The following ZC3H12B variants were observed in gnomAD, a reference collection of about 807,000 sequenced individuals.
ZC3H12B encodes probable ribonuclease ZC3H12B.
In ZC3H12B, 7 loss-of-function variants were observed where a neutral mutation model predicts 43.9. The observed-to-expected ratio is 0.16, with a 90% CI of 0.09 to 0.30. The LOEUF (loss-of-function observed/expected upper bound fraction) is 0.30, where lower values mean the gene tolerates loss of function less well. Among genes scored for constraint, ZC3H12B ranks in the 10% least tolerant of loss-of-function variants. The probability of loss-of-function intolerance (pLI) is 1.00; values close to 1 mark genes in which losing one functional copy is unlikely to be tolerated. For synonymous variants in ZC3H12B, 222 were observed against 241.7 expected, an observed-to-expected ratio of 0.92 and a Z score of 0.76; for missense variants, 475 against 670.2, an observed-to-expected ratio of 0.71 and a Z score of 3.22.
the ZC3H12B span, among the ~76,000 whole-genome samples, chrX:65,255,012 TAAAAA>T: frequency 9.1e-6 from 1 of 109,989 alleles, no homozygotes; most frequent in East Asian, 2.8e-4. Flanking sequence ...AAAATAAAAA[TAAAAA>T]ATAAATAAAG....
At chrX:65,288,557 A>G in the ZC3H12B span, among the ~76,000 whole-genome samples, 1 of 112,453 alleles carries the variant, frequency 8.9e-6, no homozygotes, top group Non-Finnish European at 1.9e-5. Context: ...CAAAAACAAT[A>G]TGACTGTCTC....
At chrX:65,264,515 A>T in the ZC3H12B span, among the ~76,000 whole-genome samples, 5 of 111,937 alleles carry the variant, frequency 4.5e-5, no homozygotes, top group Non-Finnish European at 9.4e-5. Flanking sequence ...CCATACCAAG[A>T]GGGAAGTGGC....
At chrX:65,310,967 C>G in the ZC3H12B span, among the ~76,000 whole-genome samples, 1 of 112,047 alleles carries the variant, frequency 8.9e-6, no homozygotes, top group African/African-American at 3.2e-5. Flanking sequence ...AACTGGATCC[C>G]TTCCTTACAA....
chrX:65,488,967 A>G, exon 1 of ZC3H12B: 2 of 1,211,410 alleles, frequency 1.7e-6, no homozygotes, highest in Non-Finnish European at 2.2e-6. Context: ...GAGTAGCGAC[A>G]ACAGCAAGAG....
the ZC3H12B span, chrX:65,272,974 A>T: frequency 2.7e-5 from 3 of 112,447 alleles, no homozygotes; most frequent in Non-Finnish European, 3.8e-5. Flanking sequence ...GACTTTAGCA[A>T]CTGAAAGTCT....
the ZC3H12B span, among the ~76,000 whole-genome samples, chrX:65,269,960 C>A: frequency 1.8e-5 from 2 of 111,251 alleles, no homozygotes; most frequent in Non-Finnish European, 3.8e-5. Flanking sequence ...TCATATTACC[C>A]AAATCAATAT....
At chrX:65,118,098 G>C in the ZC3H12B span, among the ~76,000 whole-genome samples, 2 of 111,418 alleles carry the variant, frequency 1.8e-5, no homozygotes, top group African/African-American at 6.5e-5. Flanking sequence ...ATTCTGCGAA[G>C]AAAGTCATTG....
the ZC3H12B span, among the ~76,000 whole-genome samples, chrX:65,176,154 T>G: frequency 8.9e-6 from 1 of 112,125 alleles, no homozygotes; most frequent in South Asian, 3.7e-4. Context: ...AAATTCTAGC[T>G]GCCAGGACAG....
chrX:65,431,051 A>C (rs1242062437), intron 3 of ZC3H12B, among the ~76,000 whole-genome samples: 1 of 112,434 alleles, frequency 8.9e-6, no homozygotes, highest in African/African-American at 3.2e-5. Flanking sequence ...CAAGCCAGCT[A>C]CTTCAAGATG....
intron 3 of ZC3H12B, among the ~76,000 whole-genome samples, chrX:65,464,821 G>C (rs1454949885): frequency 1.8e-5 from 2 of 110,543 alleles, no homozygotes; most frequent in Non-Finnish European, 3.8e-5. Flanking sequence ...GTTTGGTTTT[G>C]ATTAATCTCA....
chrX:65,257,703 C>A, the ZC3H12B span, among the ~76,000 whole-genome samples: 1 of 109,684 alleles, frequency 9.1e-6, no homozygotes, highest in Admixed American at 9.7e-5. Flanking sequence ...GGATGTTACC[C>A]CACAGAACTA....
chrX:65,266,709 C>G, the ZC3H12B span, among the ~76,000 whole-genome samples: 1 of 111,416 alleles, frequency 9.0e-6, no homozygotes, highest in Admixed American at 9.6e-5. Flanking sequence ...ACAACAAACC[C>G]TATTCTCAAA....
intron 3 of ZC3H12B, among the ~76,000 whole-genome samples, chrX:65,476,267 A>G (rs894450125): frequency 3.6e-5 from 4 of 111,596 alleles, no homozygotes; most frequent in East Asian, 5.6e-4. Flanking sequence ...ACTATCTTGT[A>G]AGTCACGCAG....
At chrX:65,366,618 T>C (rs1311076018), upstream of ZC3H12B, 1 of 111,595 alleles carries the variant, frequency 9.0e-6, no homozygotes, top group Admixed American at 9.5e-5. Context: ...CAATTCTGCT[T>C]GTTTTTACCC....
the ZC3H12B span, among the ~76,000 whole-genome samples, chrX:65,059,773 A>G: frequency 8.9e-6 from 1 of 111,782 alleles, no homozygotes; most frequent in Non-Finnish European, 1.9e-5. Flanking sequence ...TGTCATTGGT[A>G]TTTTGATAGG....
the ZC3H12B span, among the ~76,000 whole-genome samples, chrX:65,175,698 CT>C: frequency 8.1e-5 from 9 of 111,587 alleles, no homozygotes. Flanking sequence ...CTCATTGGGA[CT>C]GGTTGCACAG....
intron 2 of ZC3H12B, among the ~76,000 whole-genome samples, chrX:65,390,912 A>C (rs1055720376): frequency 8.9e-6 from 1 of 112,061 alleles, no homozygotes; most frequent in Non-Finnish European, 1.9e-5. Context: ...GGAATCAATA[A>C]TAACAATAAT....
At chrX:65,132,555 G>T in the ZC3H12B span, among the ~76,000 whole-genome samples, 1 of 110,754 alleles carries the variant, frequency 9.0e-6, no homozygotes, top group Non-Finnish European at 1.9e-5. Context: ...AAAAAGGGCA[G>T]CAATGAGGTG....
At chrX:65,275,909 G>A in the ZC3H12B span, among the ~76,000 whole-genome samples, 1 of 111,791 alleles carries the variant, frequency 8.9e-6, no homozygotes, top group African/African-American at 3.2e-5. Flanking sequence ...GAAACTCAAT[G>A]AAATACAATA....
Sources: gnomAD v4.1 joint callset for allele counts (sites outside exome capture counted in the v4.1 genomes callset) on GRCh38, gnomAD v4.1.1 for gene constraint, MANE v1.5 for transcripts, NCBI Gene and HGNC (gene_info 2026-07-23, HGNC 2026-07-21) for gene names.